Variants in EXT1 observed in about 807,000 individuals in gnomAD.
The protein encoded by EXT1 is exostosin-1.
EXT1 carries 20 observed loss-of-function variants against 82.5 expected under a neutral mutation model. The ratio of observed to expected loss-of-function variants is 0.24; its 90% CI spans 0.17 to 0.35. The LOEUF (loss-of-function observed/expected upper bound fraction) is 0.35. Among genes scored for constraint, EXT1 ranks in the 10% least tolerant of loss-of-function variants. The pLI is 1.00. For synonymous variants in EXT1, 348 were observed against 350.8 expected, an observed-to-expected ratio of 0.99 and a Z score of 0.09; for missense variants, 757 against 936.5, an observed-to-expected ratio of 0.81 and a Z score of 2.50.
chr8:117,883,252 G>A (rs557528211), intron 1 of EXT1, among the ~76,000 whole-genome samples: 4 of 152,216 alleles, frequency 2.6e-5, no homozygotes, highest in East Asian at 1.9e-4. Context: ...TTTGAGTATC[G>A]GAACATTTAA....
chr8:117,809,228 T>TAG, intron 8 of EXT1, among the ~76,000 whole-genome samples: 1 of 134,528 alleles, frequency 7.4e-6, no homozygotes, highest in Non-Finnish European at 1.6e-5. Context: ...AATATATATA[T>TAG]ATATATATAT....
chr8:118,074,097 G>GGGGTGA (rs1817157554), intron 1 of EXT1, among the ~76,000 whole-genome samples: 3 of 152,004 alleles, frequency 2.0e-5, no homozygotes, highest in Admixed American at 1.3e-4. Context: ...GGTGGGAGTG[G>GGGGTGA]GGGTGAGGGT....
intron 1 of EXT1, among the ~76,000 whole-genome samples, chr8:118,067,866 A>G (rs1817019447): frequency 6.6e-6 from 1 of 152,230 alleles, no homozygotes; most frequent in African/African-American, 2.4e-5. Flanking sequence ...GGATCAACAG[A>G]GTGATGGCTA....
intron 1 of EXT1, among the ~76,000 whole-genome samples, chr8:118,006,762 T>C (rs1815784325): frequency 6.6e-6 from 1 of 152,218 alleles, no homozygotes. Flanking sequence ...GACCCACTTC[T>C]TCTCAAGCCA....
intron 1 of EXT1, among the ~76,000 whole-genome samples, chr8:117,955,861 T>C (rs752211875): frequency 1.7e-4 from 26 of 152,132 alleles, no homozygotes; most frequent in Admixed American, 2.0e-4. Context: ...CTGGCCCAAA[T>C]ATATATTTCT....
chr8:117,804,144 T>A (rs1823204589), intron 10 of EXT1, among the ~76,000 whole-genome samples: 1 of 152,222 alleles, frequency 6.6e-6, no homozygotes, highest in African/African-American at 2.4e-5. Context: ...AGCTTAATTC[T>A]TAATGTGATG....
chr8:117,903,954 A>G (rs567425375), intron 1 of EXT1, among the ~76,000 whole-genome samples: 2 of 152,358 alleles, frequency 1.3e-5, no homozygotes, highest in Admixed American at 6.5e-5. Flanking sequence ...GAGAATTTGT[A>G]AAGTATTTCT....
At chr8:117,983,748 C>G (rs1434717558) in intron 1 of EXT1, among the ~76,000 whole-genome samples, 1 of 152,170 alleles carries the variant, frequency 6.6e-6, no homozygotes, top group Non-Finnish European at 1.5e-5. Flanking sequence ...AAGGGCTACA[C>G]AAATAGATAT....
At chr8:117,981,139 G>A (rs1815193955) in intron 1 of EXT1, among the ~76,000 whole-genome samples, 1 of 152,198 alleles carries the variant, frequency 6.6e-6, no homozygotes, top group African/African-American at 2.4e-5. Context: ...GTAGAAAAAT[G>A]TGTACGGACA....
intron 1 of EXT1, among the ~76,000 whole-genome samples, chr8:118,085,802 C>T (rs1179875691): frequency 6.6e-6 from 1 of 151,658 alleles, no homozygotes; most frequent in Non-Finnish European, 1.5e-5. Flanking sequence ...AAAGCTTAAT[C>T]CACTCTGCAT....
chr8:117,856,025 T>C (rs989823791), intron 1 of EXT1, among the ~76,000 whole-genome samples: 20 of 152,132 alleles, frequency 1.3e-4, no homozygotes, highest in Non-Finnish European at 2.2e-4. Flanking sequence ...AGAAGGAATG[T>C]TGAAAGGCAT....
At chr8:117,915,017 C>A (rs1026850005) in intron 1 of EXT1, among the ~76,000 whole-genome samples, 2 of 152,078 alleles carry the variant, frequency 1.3e-5, no homozygotes, top group African/African-American at 4.8e-5. Context: ...CTTTTGAAAC[C>A]CTTAATGAAA....
At chr8:117,966,583 C>T (rs551879065) in intron 1 of EXT1, among the ~76,000 whole-genome samples, 158 of 152,312 alleles carry the variant, frequency 1.0e-3, no homozygotes, top group African/African-American at 3.7e-3. Context: ...TGACTACTCT[C>T]ATATACTAAG....
rs145161407 is a variant in EXT1, at chr8:118,028,561, C to A, written c.962+81524G>T. Among the ~76,000 whole-genome samples, 996 of 151,426 alleles carry A rather than the reference C, an allele frequency of 6.6e-3. 8 individuals carry two copies. The highest frequency in any genetic ancestry group is 0.022 in the African/African-American group (896 of 41,298). ...GTGTATATAAATTATATACATATGA[C>A]TAACATATATATTATATTTATATAT... On this transcript the variant is annotated intron_variant, in intron 1 of 10. Transcript: ENST00000378204.
At chr8:118,081,880 C>T (rs1817338527) in intron 1 of EXT1, among the ~76,000 whole-genome samples, 1 of 152,122 alleles carries the variant, frequency 6.6e-6, no homozygotes, top group Non-Finnish European at 1.5e-5. Context: ...CATTATTTGC[C>T]TTCCTCTTAA....
chr8:117,858,766 A>AAGGCAGGCAGGCAGGCAGGC lies in EXT1; in HGVS notation c.963-21585_963-21566dup, dbSNP rs71303472. Reference sequence around the variant, plus strand: ...GAAGGAAGGAAGGAAGGAAGGAAGGAAGGCAGGCAGGCAGGCAGGCAGGCA... The same window carrying AAGGCAGGCAGGCAGGCAGGC: ...GAAGGAAGGAAGGAAGGAAGGAAGGAAGGCAGGCAGGCAGGCAGGCAGGCAGGCAGGCAGGCAGGCAGGCA... On this transcript the variant is annotated intron_variant, in intron 1 of 10. Transcript: ENST00000378204. Among the ~76,000 whole-genome samples, 29 of 54,592 alleles carry AAGGCAGGCAGGCAGGCAGGC rather than the reference A, an allele frequency of 5.3e-4. 1 individual carries two copies. Among genetic ancestry groups the AAGGCAGGCAGGCAGGCAGGC allele is most frequent in the Admixed American group, 1.5e-3 (8 of 5,418 alleles). 35.8% of individuals were successfully genotyped at this position (54,592 alleles called of 152,430 possible). A position where few individuals can be genotyped will look rare whatever the true frequency, so the allele number is the denominator to read the frequency against.
At chr8:117,902,720 A>G (rs1813472807) in intron 1 of EXT1, among the ~76,000 whole-genome samples, 1 of 152,228 alleles carries the variant, frequency 6.6e-6, no homozygotes, top group Non-Finnish European at 1.5e-5. Flanking sequence ...CCAAGGGTGA[A>G]AAACTAACAT....
At chr8:117,908,929 G>C (rs1476187882) in intron 1 of EXT1, among the ~76,000 whole-genome samples, 2 of 151,892 alleles carry the variant, frequency 1.3e-5, no homozygotes, top group Admixed American at 1.3e-4. Flanking sequence ...TTCAAAACCA[G>C]CCTGGGCAAC....
chr8:117,973,754 C>A (rs1000709898), intron 1 of EXT1, among the ~76,000 whole-genome samples: 1 of 148,348 alleles, frequency 6.7e-6, no homozygotes, highest in Non-Finnish European at 1.5e-5. Flanking sequence ...AGTGACAGAG[C>A]AAGACCCTAT....
Sources: gnomAD v4.1 joint callset for allele counts (sites outside exome capture counted in the v4.1 genomes callset) on GRCh38, gnomAD v4.1.1 for gene constraint, MANE v1.5 for transcripts, NCBI Gene and HGNC (gene_info 2026-07-23, HGNC 2026-07-21) for gene names.